Variants in CNBD1 observed in about 807,000 individuals in gnomAD.
The protein encoded by CNBD1 is cyclic nucleotide-binding domain-containing protein 1.
Under a neutral mutation model 54.4 loss-of-function variants are expected in CNBD1, and 71 were observed. The observed-to-expected ratio is 1.30, with a 90% CI of 1.08 to 1.59. The LOEUF is 1.59. Ranked by LOEUF, CNBD1 falls within the 40% of genes most tolerant of loss-of-function variation. CNBD1 has a pLI of 0.00. For synonymous variants in CNBD1, 182 were observed against 170.7 expected (o/e 1.07, Z -0.51); for missense variants, 659 against 518.0 (o/e 1.27, Z -2.64).
chr8:87,114,634 C>T (rs868453255), intron 4 of CNBD1, among the ~76,000 whole-genome samples: 4 of 152,034 alleles, frequency 2.6e-5, no homozygotes, highest in Non-Finnish European at 5.9e-5. Flanking sequence ...ACAGGCATGA[C>T]CCATTGCTCC....
chr8:87,250,512 C>T (rs1318131777), intron 6 of CNBD1, among the ~76,000 whole-genome samples: 2 of 152,138 alleles, frequency 1.3e-5, no homozygotes, highest in African/African-American at 4.8e-5. Flanking sequence ...ATCAAAGATA[C>T]ATCCGCACTC....
intron 3 of CNBD1, among the ~76,000 whole-genome samples, chr8:86,922,430 G>A (rs1446545814): frequency 6.6e-6 from 1 of 152,028 alleles, no homozygotes; most frequent in African/African-American, 2.4e-5. Flanking sequence ...TATGAAGGAA[G>A]GAAGAAGAAA....
intron 8 of CNBD1, among the ~76,000 whole-genome samples, chr8:87,333,227 C>A (rs1809871979): frequency 6.6e-6 from 1 of 152,088 alleles, no homozygotes; most frequent in Admixed American, 6.6e-5. Flanking sequence ...GATTTTGTAT[C>A]CTGAGACTTT....
intron 5 of CNBD1, among the ~76,000 whole-genome samples, chr8:87,223,195 C>CT (rs1814382668): frequency 6.7e-6 from 1 of 148,824 alleles, no homozygotes; most frequent in Non-Finnish European, 1.5e-5. Flanking sequence ...ACCTCCCCAC[C>CT]TTTTTGCTTT....
intron 10 of CNBD1, among the ~76,000 whole-genome samples, chr8:87,376,755 C>A (rs1344341126): frequency 6.6e-6 from 1 of 151,824 alleles, no homozygotes; most frequent in Non-Finnish European, 1.5e-5. Flanking sequence ...GGTAAGGCAA[C>A]AAAGGCTTAT....
intron 10 of CNBD1, among the ~76,000 whole-genome samples, chr8:87,363,069 G>C (rs1399392730): frequency 6.6e-6 from 1 of 151,858 alleles, no homozygotes; most frequent in Non-Finnish European, 1.5e-5. Context: ...TGTTCTCATT[G>C]TTCAACTCCC....
chr8:87,201,749 C>T (rs1813866868), intron 4 of CNBD1, among the ~76,000 whole-genome samples: 1 of 152,038 alleles, frequency 6.6e-6, no homozygotes, highest in Non-Finnish European at 1.5e-5. Context: ...GGTTGAAAAA[C>T]TTAATTTTTA....
intron 4 of CNBD1, among the ~76,000 whole-genome samples, chr8:87,003,361 G>A (rs1809032247): frequency 6.6e-6 from 1 of 152,176 alleles, no homozygotes; most frequent in Non-Finnish European, 1.5e-5. Flanking sequence ...ATTAGAATAT[G>A]TGATTACTTG....
At chr8:87,023,920 AC>A (rs1809541840) in intron 4 of CNBD1, among the ~76,000 whole-genome samples, 1 of 152,154 alleles carries the variant, frequency 6.6e-6, no homozygotes, top group Non-Finnish European at 1.5e-5. Flanking sequence ...AGACTAGAAT[AC>A]CTCTGACTCA....
At chr8:87,134,663 C>G (rs1251073570) in intron 4 of CNBD1, among the ~76,000 whole-genome samples, 3 of 124,074 alleles carry the variant, frequency 2.4e-5, no homozygotes, top group African/African-American at 9.3e-5. Context: ...AGTGCAGTGG[C>G]TCTGTCTTGG....
At chr8:87,373,825 T>A (rs534076782) in intron 10 of CNBD1, among the ~76,000 whole-genome samples, 1 of 151,946 alleles carries the variant, frequency 6.6e-6, no homozygotes, top group East Asian at 1.9e-4. Context: ...TGTGTAAACC[T>A]TAAACTTCAA....
chr8:87,312,433 A>T lies in CNBD1; in HGVS notation c.1042+25762A>T, dbSNP rs550258024. Among the ~76,000 whole-genome samples, 13 of 152,176 alleles carry T rather than the reference A, an allele frequency of 8.5e-5. No individual in the cohort carries two copies. The East Asian group carries it at 2.5e-3, about 30-fold the overall frequency. ...TTTCTATACATTTTGGGTCCCAAACACATGTTAATTCAAGGCTTCCCAAGC... is the reference window on the plus strand; with the variant it reads ...TTTCTATACATTTTGGGTCCCAAACTCATGTTAATTCAAGGCTTCCCAAGC... On this transcript the variant is annotated intron_variant, in intron 8 of 10. Transcript: ENST00000518476.
intron 5 of CNBD1, among the ~76,000 whole-genome samples, chr8:87,216,735 CT>C (rs987743135): frequency 6.6e-6 from 1 of 152,130 alleles, no homozygotes; most frequent in African/African-American, 2.4e-5. Context: ...TGAAGCCAAC[CT>C]TTAGCTTTGT....
At chr8:87,176,483 A>G (rs1372884270) in intron 4 of CNBD1, among the ~76,000 whole-genome samples, 1 of 134,414 alleles carries the variant, frequency 7.4e-6, no homozygotes, top group Admixed American at 7.5e-5. Flanking sequence ...TTAAGTTAGT[A>G]TTTTTTTTTT....
At chr8:87,224,991 T>C (rs1277467914) in intron 5 of CNBD1, among the ~76,000 whole-genome samples, 1 of 152,190 alleles carries the variant, frequency 6.6e-6, no homozygotes, top group East Asian at 1.9e-4. Flanking sequence ...GGGTATTTTA[T>C]TCTCTTTGAA....
At chr8:86,960,873 G>C (rs1004461384) in intron 4 of CNBD1, among the ~76,000 whole-genome samples, 2 of 152,138 alleles carry the variant, frequency 1.3e-5, no homozygotes, top group Non-Finnish European at 2.9e-5. Flanking sequence ...AGGCAAACAG[G>C]TTGTGGAGTG....
At chr8:87,137,467 G>T (rs993117116) in intron 4 of CNBD1, among the ~76,000 whole-genome samples, 5 of 151,826 alleles carry the variant, frequency 3.3e-5, no homozygotes, top group African/African-American at 4.8e-5. Context: ...CTCCCAAAGT[G>T]CTGGGATTAC....
chr8:87,114,189 A>T (rs1164708386), intron 4 of CNBD1, among the ~76,000 whole-genome samples: 1 of 152,240 alleles, frequency 6.6e-6, no homozygotes, highest in South Asian at 2.1e-4. Context: ...GAAATTGCTC[A>T]CACACAAATA....
At chr8:87,261,594 A>AT (rs1380069630) in intron 6 of CNBD1, among the ~76,000 whole-genome samples, 3 of 151,344 alleles carry the variant, frequency 2.0e-5, no homozygotes, top group African/African-American at 7.3e-5. Flanking sequence ...AAACAACTGG[A>AT]TTGGTTACGG....
Sources: gnomAD v4.1 joint callset for allele counts (sites outside exome capture counted in the v4.1 genomes callset) on GRCh38, gnomAD v4.1.1 for gene constraint, MANE v1.5 for transcripts, NCBI Gene and HGNC (gene_info 2026-07-23, HGNC 2026-07-21) for gene names.